Variants in ASIC5 observed in about 807,000 individuals in gnomAD.
ASIC5 encodes acid sensing ion channel subunit family member 5, also known as bile acid-sensitive ion channel.
In ASIC5, 52 loss-of-function variants were observed where a neutral mutation model predicts 51.2. The observed-to-expected ratio is 1.02, with a 90% confidence interval of 0.81 to 1.28. ASIC5 has a LOEUF of 1.28. ASIC5 is among the 50% of genes most tolerant of loss of function. The probability of loss-of-function intolerance (pLI) is 0.00; values close to 1 mark genes in which losing one functional copy is unlikely to be tolerated. For missense variants in ASIC5, 635 were observed against 595.0 expected (o/e 1.07, Z -0.70); for synonymous variants, 231 against 200.7 (o/e 1.15, Z -1.28).
intron 7 of ASIC5, among the ~76,000 whole-genome samples, chr4:155,838,567 G>T (rs1475968745): frequency 1.3e-5 from 2 of 152,042 alleles, no homozygotes; most frequent in Non-Finnish European, 2.9e-5. Context: ...AAAGCAGCTA[G>T]GATATTTTGA....
Position 155,829,803 on chromosome 4 carries a change from A to T in ASIC5, c.*53T>A. On this transcript the variant is annotated 3_prime_UTR_variant, in exon 10 of 10. Coordinates refer to ENST00000537611, the MANE Select transcript of ASIC5 (RefSeq NM_017419.3). ...AAAGTGACGTAACAATGAATTAGTC[A>T]AGATAAATCTGAAGGTATCATGAAA... 1 of 1,184,480 alleles carries T rather than the reference A, an allele frequency of 8.4e-7. No homozygotes were observed. The highest frequency in any genetic ancestry group is 1.2e-6 in the Non-Finnish European group (1 of 860,190). 73.4% of individuals were successfully genotyped at this position (1,184,480 alleles called of 1,614,324 possible).
At chr4:155,844,076 T>C (rs1741182489) in intron 4 of ASIC5, among the ~76,000 whole-genome samples, 1 of 152,086 alleles carries the variant, frequency 6.6e-6, no homozygotes, top group Non-Finnish European at 1.5e-5. Flanking sequence ...CCTGAAATAA[T>C]TGAGGCTTGT....
At chr4:155,852,699 T>C (rs1741412054) in intron 3 of ASIC5, among the ~76,000 whole-genome samples, 2 of 64,530 alleles carry the variant, frequency 3.1e-5, no homozygotes, top group African/African-American at 5.9e-5. Context: ...TGGCAGTCAA[T>C]CACATGACCC....
intron 4 of ASIC5, among the ~76,000 whole-genome samples, chr4:155,849,279 G>A (rs1244370303): frequency 6.6e-6 from 1 of 152,002 alleles, no homozygotes; most frequent in African/African-American, 2.4e-5. Context: ...AGTTTATCTT[G>A]GAACCTCGAG....
intron 3 of ASIC5, among the ~76,000 whole-genome samples, chr4:155,852,602 A>G (rs144814263): frequency 1.3e-5 from 2 of 152,114 alleles, no homozygotes; most frequent in Non-Finnish European, 2.9e-5. Flanking sequence ...CTGAAGATGT[A>G]TGGAAACATG....
intron 4 of ASIC5, among the ~76,000 whole-genome samples, chr4:155,848,957 C>T (rs6833038): frequency 0.072 from 10,955 of 152,046 alleles, 1,025 homozygotes; most frequent in African/African-American, 0.22. Flanking sequence ...CATACTTTAT[C>T]CTGTCTGCCT....
rs368202924 is a variant in ASIC5, at chr4:155,854,053, A to G, written c.585+24T>C. 3.9e-6 allele frequency: 6 copies of G among 1,529,144 alleles called. No homozygotes were observed. In the African/African-American group the frequency reaches 8.3e-5, roughly 21 times the overall value. The allele number at this position is 1,529,144 out of a possible 1,614,324, so 94.7% of individuals were successfully genotyped here. Reference sequence around the variant, plus strand: ...TAACGGAACTTATTACTTTGATTATATTTGAAGAATAGAAAATCGTTACCT... The same window carrying G: ...TAACGGAACTTATTACTTTGATTATGTTTGAAGAATAGAAAATCGTTACCT... On this transcript the variant is annotated intron_variant, in intron 3 of 9. Transcript: ENST00000537611.
intron 4 of ASIC5, among the ~76,000 whole-genome samples, chr4:155,844,777 T>A (rs1301917706): frequency 6.6e-6 from 1 of 152,054 alleles, no homozygotes; most frequent in Middle Eastern, 3.2e-3. Flanking sequence ...TGGGGGTGTC[T>A]GGGAGGAATG....
At chr4:155,851,083 G>C (rs1308485320) in intron 4 of ASIC5, among the ~76,000 whole-genome samples, 4 of 151,968 alleles carry the variant, frequency 2.6e-5, no homozygotes, top group Non-Finnish European at 5.9e-5. Context: ...CTAGTCTGGA[G>C]AAATATCTAA....
At chr4:155,835,455 C>T (rs1033769062) in intron 8 of ASIC5, among the ~76,000 whole-genome samples, 5 of 151,588 alleles carry the variant, frequency 3.3e-5, no homozygotes, top group Non-Finnish European at 7.4e-5. Context: ...CCCTAAGATC[C>T]TCTTGTTTCA....
intron 8 of ASIC5, among the ~76,000 whole-genome samples, chr4:155,835,887 C>G (rs1200311736): frequency 6.6e-6 from 1 of 152,038 alleles, no homozygotes; most frequent in Admixed American, 6.5e-5. Flanking sequence ...AGCATGCTTT[C>G]CAAATTATGC....
chr4:155,849,715 C>CT (rs377197972), intron 4 of ASIC5, among the ~76,000 whole-genome samples: 6 of 151,538 alleles, frequency 4.0e-5, no homozygotes, highest in East Asian at 1.9e-4. Context: ...CAATTTTTTT[C>CT]TTTTTTTTCC....
At chr4:155,833,338 G>C (rs1461374689) in intron 8 of ASIC5, among the ~76,000 whole-genome samples, 1 of 152,148 alleles carries the variant, frequency 6.6e-6, no homozygotes, top group Non-Finnish European at 1.5e-5. Flanking sequence ...TATTAGCCGA[G>C]TTTCCTAGAA....
At chr4:155,856,833 T>C (rs12651247) in intron 2 of ASIC5, among the ~76,000 whole-genome samples, 129,469 of 151,948 alleles carry the variant, frequency 0.85, 56,768 homozygotes, top group East Asian at 0.95. Context: ...CAGTATTCCC[T>C]GAATATATTC....
intron 2 of ASIC5, among the ~76,000 whole-genome samples, chr4:155,856,819 G>A (rs188277538): frequency 5.9e-5 from 9 of 152,068 alleles, no homozygotes; most frequent in African/African-American, 2.2e-4. Context: ...TGCACAGTCA[G>A]AGCCAGTATT....
At chr4:155,864,687 G>A (rs1741816827) in intron 1 of ASIC5, 1 of 152,078 alleles carries the variant, frequency 6.6e-6, no homozygotes, top group African/African-American at 2.4e-5. Context: ...AATGGTATCT[G>A]CCTTATGAAT....
At chr4:155,861,028 G>A (rs1389584014) in intron 2 of ASIC5, among the ~76,000 whole-genome samples, 1 of 151,484 alleles carries the variant, frequency 6.6e-6, no homozygotes, top group African/African-American at 2.4e-5. Context: ...ATTTAGGTGT[G>A]CATTGTTTAA....
intron 2 of ASIC5, among the ~76,000 whole-genome samples, chr4:155,862,233 G>T (rs1741726673): frequency 6.6e-6 from 1 of 151,972 alleles, no homozygotes; most frequent in South Asian, 2.1e-4. Context: ...GATTTGTTTC[G>T]ACTGTTAGGA....
At chr4:155,853,959 C>T in intron 3 of ASIC5, 118 bp downstream of exon 3, 1 of 758,512 alleles carries the variant, frequency 1.3e-6, no homozygotes. Flanking sequence ...GAAATAGAAT[C>T]TGTAAGCAAA....
Sources: gnomAD v4.1 joint callset for allele counts (sites outside exome capture counted in the v4.1 genomes callset) on GRCh38, gnomAD v4.1.1 for gene constraint, MANE v1.5 for transcripts, NCBI Gene and HGNC (gene_info 2026-07-23, HGNC 2026-07-21) for gene names.